PHTF2: variants seen among roughly 807,000 people sequenced by gnomAD.
PHTF2 encodes protein PHTF2.
A neutral mutation model predicts 101.2 loss-of-function variants in PHTF2; 60 were observed. That is an observed-to-expected ratio of 0.59 (90% CI 0.48 to 0.73). The LOEUF is 0.73. Ranked by LOEUF, PHTF2 falls within the 30% of genes least tolerant of loss-of-function variation. The pLI is 0.00. For missense variants in PHTF2, 747 were observed against 908.7 expected, an observed-to-expected ratio of 0.82 and a Z score of 2.29; for synonymous variants, 311 against 307.3, an observed-to-expected ratio of 1.01 and a Z score of -0.13.
At chr7:77,917,213 GC>G (rs1408996425) in intron 9 of PHTF2, among the ~76,000 whole-genome samples, 1 of 152,052 alleles carries the variant, frequency 6.6e-6, no homozygotes, top group Non-Finnish European at 1.5e-5. Flanking sequence ...AATTAACCTT[GC>G]TATCCGACAT....
At chr7:77,949,897 TTA>T in intron 17 of PHTF2, 64 bp downstream of exon 16, 1 of 906,916 alleles carries the variant, frequency 1.1e-6, no homozygotes. Flanking sequence ...TTCATTTCCT[TTA>T]TGTTTTTCAA....
chr7:77,939,943 CAT>C, intron 13 of PHTF2, 85 bp from the exon 13 acceptor site: 1 of 967,780 alleles, frequency 1.0e-6, no homozygotes, highest in Non-Finnish European at 1.5e-6. Context: ...CAAATGATTT[CAT>C]ATTGCTATAA....
intron 1 of PHTF2, among the ~76,000 whole-genome samples, chr7:77,828,052 AT>A (rs1399164602): frequency 6.6e-6 from 1 of 152,228 alleles, no homozygotes; most frequent in Admixed American, 6.5e-5. Context: ...TCTTTAAGCC[AT>A]TTAGATATCA....
intron 1 of PHTF2, among the ~76,000 whole-genome samples, chr7:77,800,044 A>G (rs911595914): frequency 6.6e-6 from 1 of 150,994 alleles, no homozygotes; most frequent in South Asian, 2.1e-4. Flanking sequence ...TTAGTATTTG[A>G]TCTTGTTTTC....
intron 1 of PHTF2, among the ~76,000 whole-genome samples, chr7:77,801,707 T>C (rs1050614950): frequency 2.0e-5 from 3 of 152,240 alleles, no homozygotes; most frequent in African/African-American, 7.2e-5. Context: ...GAAACATAAA[T>C]GAATTTTGTG....
chr7:77,851,012 G>A (rs1338134803), intron 2 of PHTF2, among the ~76,000 whole-genome samples: 2 of 152,028 alleles, frequency 1.3e-5, no homozygotes, highest in Admixed American at 6.6e-5. Flanking sequence ...TATTGTATTC[G>A]GTTTGCTATT....
chr7:77,846,444 T>C (rs985655747), intron 2 of PHTF2, among the ~76,000 whole-genome samples: 6 of 152,214 alleles, frequency 3.9e-5, no homozygotes, highest in Admixed American at 1.3e-4. Flanking sequence ...GCTTTACATA[T>C]ATTAAATAAC....
chr7:77,907,498 G>A (rs1438851132), intron 7 of PHTF2, among the ~76,000 whole-genome samples: 1 of 152,084 alleles, frequency 6.6e-6, no homozygotes, highest in Admixed American at 6.6e-5. Flanking sequence ...AAAAAACCCA[G>A]GAAACTAGAT....
In PHTF2 at chr7:77,841,181, G is replaced by A. The variant is rs201387128; in HGVS notation, c.45+881G>A. The stretch of plus-strand genomic sequence containing the variant: ...TGCAACCTCTGCCTCCTGGGTTCAA[G>A]CGATTCTCTTGTCTCAGCCTCCCAA... On this transcript the variant is annotated intron_variant, in intron 2 of 19. Coordinates refer to ENST00000416283, the Ensembl canonical transcript of PHTF2. Among the ~76,000 whole-genome samples, 5 of 146,058 alleles carry A rather than the reference G, an allele frequency of 3.4e-5. No homozygotes were observed. The East Asian group carries it at 8.0e-4, about 23-fold the overall frequency.
chr7:77,843,378 A>C (rs1409904129), intron 2 of PHTF2, among the ~76,000 whole-genome samples: 3 of 152,086 alleles, frequency 2.0e-5, no homozygotes, highest in East Asian at 3.9e-4. Context: ...ATTCAGGTTT[A>C]TCTCTTCCCT....
intron 1 of PHTF2, among the ~76,000 whole-genome samples, chr7:77,822,689 G>A (rs1794386318): frequency 6.6e-6 from 1 of 152,102 alleles, no homozygotes; most frequent in Non-Finnish European, 1.5e-5. Flanking sequence ...GGGGAGACAG[G>A]GCTGCAGTGG....
intron 3 of PHTF2, among the ~76,000 whole-genome samples, chr7:77,857,244 T>G (rs1024553671): frequency 2.0e-5 from 3 of 152,190 alleles, no homozygotes; most frequent in Admixed American, 2.0e-4. Flanking sequence ...TGGAGCTACC[T>G]CTAGATGTGT....
chr7:77,917,955 G>A (rs367552148), intron 9 of PHTF2, among the ~76,000 whole-genome samples: 37 of 152,292 alleles, frequency 2.4e-4, no homozygotes, highest in African/African-American at 8.2e-4. Context: ...TGAGAGTGTA[G>A]CATGAACTTT....
intron 3 of PHTF2, among the ~76,000 whole-genome samples, chr7:77,873,206 C>T (rs1208541466): frequency 2.0e-5 from 3 of 150,636 alleles, no homozygotes; most frequent in East Asian, 1.9e-4. Flanking sequence ...GGATTACAGG[C>T]GTGAGCCACT....
At chr7:77,932,620 GAGTGTGTGT>G in intron 12 of PHTF2, among the ~76,000 whole-genome samples, 1 of 121,468 alleles carries the variant, frequency 8.2e-6, no homozygotes, top group African/African-American at 4.2e-5. Flanking sequence ...GAGAGAGAGA[GAGTGTGTGT>G]GTGTGTGTGT....
At chr7:77,883,488 C>G (rs578116305) in intron 3 of PHTF2, among the ~76,000 whole-genome samples, 1 of 152,162 alleles carries the variant, frequency 6.6e-6, no homozygotes, top group Admixed American at 6.5e-5. Context: ...ACTTAGCCCT[C>G]TCGGTTTTCT....
chr7:77,938,527 G>A (rs937656317), intron 13 of PHTF2, among the ~76,000 whole-genome samples: 3 of 151,818 alleles, frequency 2.0e-5, no homozygotes, highest in Non-Finnish European at 4.4e-5. Context: ...TCAGGAGATC[G>A]AGACCATCCT....
chr7:77,944,918 A>G (rs1168474223), intron 16 of PHTF2, among the ~76,000 whole-genome samples: 2 of 152,274 alleles, frequency 1.3e-5, no homozygotes, highest in African/African-American at 4.8e-5. Flanking sequence ...AGCAAATTAA[A>G]GAAAGCTAAA....
At chr7:77,947,161 G>GCAACAA (rs138016145) in intron 16 of PHTF2, among the ~76,000 whole-genome samples, 9 of 151,548 alleles carry the variant, frequency 5.9e-5, no homozygotes, top group Non-Finnish European at 1.0e-4. Context: ...ATTTTCAATA[G>GCAACAA]CAACAACAAC....
Sources: gnomAD v4.1 joint callset for allele counts (sites outside exome capture counted in the v4.1 genomes callset) on GRCh38, gnomAD v4.1.1 for gene constraint, MANE v1.5 for transcripts, NCBI Gene and HGNC (gene_info 2026-07-23, HGNC 2026-07-21) for gene names.